Variants in TENM1 observed in about 807,000 individuals in gnomAD.
TENM1 encodes the protein teneurin-1.
A neutral mutation model predicts 174.8 loss-of-function variants in TENM1; 35 were observed. The observed-to-expected ratio is 0.20, with a 90% CI of 0.15 to 0.27. TENM1 has a LOEUF of 0.27. TENM1 is among the 10% of genes least tolerant of loss of function. The pLI is 1.00. For missense variants in TENM1, 1,633 were observed against 2,130.1 expected (o/e 0.77, Z 4.59); for synonymous variants, 781 against 798.7 (o/e 0.98, Z 0.37).
At chrX:124,999,338 G>A in the TENM1 span, among the ~76,000 whole-genome samples, 899 of 110,985 alleles carry the variant, frequency 8.1e-3, 7 homozygotes, top group African/African-American at 0.028. Context: ...ATTCAAATGT[G>A]TAGAAATCAG....
the TENM1 span, among the ~76,000 whole-genome samples, chrX:125,137,895 G>A: frequency 8.9e-6 from 1 of 111,828 alleles, no homozygotes; most frequent in African/African-American, 3.3e-5. Context: ...TTATTAAGGT[G>A]TGTTTAATTA....
At chrX:125,184,331 A>T in the TENM1 span, among the ~76,000 whole-genome samples, 2 of 110,470 alleles carry the variant, frequency 1.8e-5, no homozygotes, top group Non-Finnish European at 3.8e-5. Flanking sequence ...TTACCAAATT[A>T]AAAAAATTAT....
intron 19 of TENM1, 27 bp downstream of exon 22, chrX:124,503,533 T>C: frequency 2.6e-6 from 3 of 1,176,198 alleles, no homozygotes; most frequent in Middle Eastern, 2.4e-4. Context: ...GAAAGTAGTA[T>C]TCATACAAAT....
At chrX:124,855,133 T>C (rs980817809) in intron 3 of TENM1, among the ~76,000 whole-genome samples, 17 of 111,376 alleles carry the variant, frequency 1.5e-4, no homozygotes, top group Non-Finnish European at 2.6e-4. Context: ...CGTGAATAAG[T>C]GCAAGTGTAT....
intron 6 of TENM1, among the ~76,000 whole-genome samples, chrX:124,655,155 AT>A (rs1348038390): frequency 1.1e-4 from 12 of 111,686 alleles, no homozygotes; most frequent in Middle Eastern, 4.2e-3. Flanking sequence ...TCTAGAGAAC[AT>A]TAAGTGTTGG....
intron 18 of TENM1, among the ~76,000 whole-genome samples, chrX:124,515,868 C>T (rs1362473900): frequency 9.1e-6 from 1 of 109,576 alleles, no homozygotes; most frequent in African/African-American, 3.3e-5. Context: ...ATATGGAACC[C>T]CCCAAAAAAG....
intron 3 of TENM1, among the ~76,000 whole-genome samples, chrX:124,822,627 C>T (rs1383645604): frequency 9.0e-6 from 1 of 111,719 alleles, no homozygotes; most frequent in African/African-American, 3.3e-5. Context: ...TTTTATATAT[C>T]TTATTTCTTC....
At chrX:124,404,948 C>T (rs2060445210) in intron 27 of TENM1, 83 bp downstream of exon 30, 2 of 798,994 alleles carry the variant, frequency 2.5e-6, no homozygotes, top group South Asian at 2.4e-5. Flanking sequence ...GGAGGCTCTG[C>T]AGTTAAACAA....
At chrX:124,587,638 T>G (rs2049574383) in intron 11 of TENM1, among the ~76,000 whole-genome samples, 1 of 110,623 alleles carries the variant, frequency 9.0e-6, no homozygotes, top group East Asian at 2.8e-4. Context: ...GGCAAGGACT[T>G]CATGTCTAAA....
At chrX:124,849,372 A>C (rs1209719489) in intron 3 of TENM1, among the ~76,000 whole-genome samples, 2 of 111,189 alleles carry the variant, frequency 1.8e-5, no homozygotes, top group Non-Finnish European at 3.8e-5. Context: ...ATATACATAT[A>C]GGACTCATTT....
Position 124,793,549 on chromosome X carries a change from T to G in TENM1, c.536-56352A>C, listed in dbSNP as rs771082830. ...ATTATACTGAAACTGAAATATATAG[T>G]GTAATGGTTAAGACCATGGGTTCTG... On this transcript the variant is annotated intron_variant, in intron 3 of 31. Coordinates refer to ENST00000422452, the Ensembl canonical transcript of TENM1. 3.6e-5 allele frequency among the ~76,000 whole-genome samples: 4 copies of G among 111,646 alleles called. No individual in the cohort carries two copies. The East Asian group carries it at 1.1e-3, about 31-fold the overall frequency.
intron 22 of TENM1, among the ~76,000 whole-genome samples, chrX:124,471,422 T>TAGC (rs2061324256): frequency 5.2e-5 from 3 of 57,517 alleles, no homozygotes; most frequent in South Asian, 1.2e-3. Context: ...TATAGTAATA[T>TAGC]ATTATATATT....
chrX:124,913,586 C>T lies in TENM1; in HGVS notation c.218-17345G>A, dbSNP rs754135985. On this transcript the variant is annotated intron_variant, in intron 1 of 31. Transcript: ENST00000422452. ...CACAATTCTCACATTGTGAATTTAG[C>T]CATACCTTAATTTATGCTTTATGTA... Among the ~76,000 whole-genome samples the T allele has an allele frequency of 9.8e-5, 11 of 111,786 alleles. No homozygotes were observed. The South Asian group carries it at 4.1e-3, about 42-fold the overall frequency.
At chrX:124,573,508 A>G (rs1192004013) in intron 11 of TENM1, among the ~76,000 whole-genome samples, 1 of 111,975 alleles carries the variant, frequency 8.9e-6, no homozygotes, top group Non-Finnish European at 1.9e-5. Flanking sequence ...TTTACAAAAG[A>G]AAAAGAGAAT....
At chrX:124,968,564 T>C (rs891148177), upstream of TENM1, among the ~76,000 whole-genome samples, 1 of 112,145 alleles carries the variant, frequency 8.9e-6, no homozygotes, top group African/African-American at 3.2e-5. Flanking sequence ...TTCATAGCCA[T>C]GAATCAGCTA....
chrX:124,823,879 CATAACT>C (rs1292496223), intron 3 of TENM1, among the ~76,000 whole-genome samples: 1 of 111,373 alleles, frequency 9.0e-6, no homozygotes, highest in East Asian at 2.8e-4. Context: ...TGATTTAAAA[CATAACT>C]ATGTTTTTCA....
chrX:124,623,635 A>C (rs926592486), intron 11 of TENM1, among the ~76,000 whole-genome samples: 2 of 111,592 alleles, frequency 1.8e-5, no homozygotes, highest in African/African-American at 6.5e-5. Flanking sequence ...CCTTGCTTGA[A>C]ATTTGCAGGG....
intron 15 of TENM1, among the ~76,000 whole-genome samples, chrX:124,536,346 A>C (rs1181134397): frequency 9.0e-6 from 1 of 111,375 alleles, no homozygotes; most frequent in Non-Finnish European, 1.9e-5. Context: ...ATTTAATCCT[A>C]CTCAGTTGGT....
intron 8 of TENM1, among the ~76,000 whole-genome samples, chrX:124,647,408 T>C (rs1369740487): frequency 9.0e-6 from 1 of 111,619 alleles, no homozygotes; most frequent in South Asian, 3.8e-4. Flanking sequence ...CTTTCTGAAC[T>C]GTAAATGCTT....
Sources: gnomAD v4.1 joint callset for allele counts (sites outside exome capture counted in the v4.1 genomes callset) on GRCh38, gnomAD v4.1.1 for gene constraint, MANE v1.5 for transcripts, NCBI Gene and HGNC (gene_info 2026-07-23, HGNC 2026-07-21) for gene names.